Variants in CPB2 observed in about 807,000 individuals in gnomAD.
The protein encoded by CPB2 is carboxypeptidase B-like protein.
CPB2 carries 54 observed loss-of-function variants against 57.0 expected under a neutral mutation model. That is an observed-to-expected ratio of 0.95 (90% CI 0.76 to 1.19). The LOEUF is 1.19. Among genes scored for constraint, CPB2 ranks in the 50% most tolerant of loss-of-function variants. The pLI is 0.00. For missense variants in CPB2, 426 were observed against 512.0 expected (o/e 0.83, Z 1.62); for synonymous variants, 189 against 178.1 (o/e 1.06, Z -0.49).
chr13:46,060,929 T>A (rs2044763314), intron 8 of CPB2, among the ~76,000 whole-genome samples: 1 of 152,168 alleles, frequency 6.6e-6, no homozygotes, highest in African/African-American at 2.4e-5. Context: ...GCTCAAGCAT[T>A]CTTTGATCTA....
At chr13:46,079,535 C>CAAAAAAAAA (rs58164990) in intron 4 of CPB2, among the ~76,000 whole-genome samples, 79 of 110,938 alleles carry the variant, frequency 7.1e-4, no homozygotes, top group Middle Eastern at 5.7e-3. Context: ...AAGGAAAAAG[C>CAAAAAAAAA]AAAAAAAAAA....
intron 9 of CPB2, 54 bp from the exon 10 acceptor site, chr13:46,055,903 AAG>A (rs2044691402): frequency 6.8e-6 from 7 of 1,021,986 alleles, no homozygotes; most frequent in Non-Finnish European, 1.0e-5. Context: ...GAAACATGAC[AAG>A]TAGAAGTTTC....
At chr13:46,085,192 G>T (rs944243865) in intron 2 of CPB2, among the ~76,000 whole-genome samples, 6 of 152,102 alleles carry the variant, frequency 3.9e-5, no homozygotes, top group African/African-American at 1.4e-4. Context: ...TATTTATAAC[G>T]CTTTGATATA....
intron 8 of CPB2, among the ~76,000 whole-genome samples, chr13:46,061,792 C>A (rs4573835): frequency 0.12 from 18,662 of 152,148 alleles, 1,565 homozygotes; most frequent in East Asian, 0.28. Context: ...CACACACACA[C>A]AAAATTTTAA....
intron 5 of CPB2, among the ~76,000 whole-genome samples, chr13:46,077,959 A>C (rs1390910773): frequency 1.3e-5 from 2 of 152,190 alleles, no homozygotes; most frequent in African/African-American, 4.8e-5. Flanking sequence ...GAGATTAATT[A>C]GTGGGTACAA....
rs2045164542 is a variant in CPB2, at chr13:46,084,257, A to G, written c.237T>C (p.Asn79=). Residue 79 remains asparagine, a synonymous_variant, in exon 3 of 11, where the codon AAT becomes AAC. Transcript: ENST00000181383. ...CGCTCACATTTAAATGGGCTTTCAC[A>G]TTGTCGACATCAGATGCATTTACAA... The part of the protein sequence containing the change: ...HFFVNASDVD[N]VKAHLNVSGI... 5 of 1,614,032 alleles carry G rather than the reference A, an allele frequency of 3.1e-6. No homozygotes were observed. The highest frequency in any genetic ancestry group is 1.3e-5 in the African/African-American group (1 of 74,922).
At chr13:46,100,676 A>G (rs2045423373) in intron 1 of CPB2, 1 of 152,188 alleles carries the variant, frequency 6.6e-6, no homozygotes, top group Admixed American at 6.5e-5. Flanking sequence ...CTAAACCTGC[A>G]TGTGGCTGGT....
chr13:46,079,006 T>C (rs1019079131), intron 4 of CPB2, 105 bp from the exon 5 acceptor site: 4 of 695,310 alleles, frequency 5.8e-6, no homozygotes, highest in African/African-American at 3.6e-5. Flanking sequence ...CCTCTGTATG[T>C]GGAATGCACG....
At chr13:46,077,102 T>G (rs1014776049) in intron 5 of CPB2, among the ~76,000 whole-genome samples, 2 of 152,068 alleles carry the variant, frequency 1.3e-5, no homozygotes, top group Non-Finnish European at 1.5e-5. Context: ...ACTGAAAATT[T>G]GCTTCTGCAC....
At chr13:46,102,540 C>CAAAA (rs10624204) in intron 1 of CPB2, among the ~76,000 whole-genome samples, 33 of 108,200 alleles carry the variant, frequency 3.0e-4, no homozygotes, top group Middle Eastern at 6.8e-3. Flanking sequence ...ATGATTATGA[C>CAAAA]AAAAAAAAAA....
intron 8 of CPB2, among the ~76,000 whole-genome samples, chr13:46,063,327 C>CT (rs1158042523): frequency 6.6e-6 from 1 of 152,144 alleles, no homozygotes; most frequent in Non-Finnish European, 1.5e-5. Flanking sequence ...CTCTCCTTCC[C>CT]TGCCCCTTTT....
intron 10 of CPB2, 79 bp from the exon 11 acceptor site, chr13:46,053,877 GTTTA>G (rs1333680030): frequency 1.6e-5 from 22 of 1,396,002 alleles, no homozygotes; most frequent in African/African-American, 2.9e-5. Flanking sequence ...TGATTTAAAT[GTTTA>G]TTTGTTTGTA....
At chr13:46,088,921 T>C (rs980607841) in intron 1 of CPB2, among the ~76,000 whole-genome samples, 3 of 152,066 alleles carry the variant, frequency 2.0e-5, no homozygotes, top group South Asian at 4.1e-4. Flanking sequence ...TTGTCAGTTA[T>C]ATGTATTGCA....
At chr13:46,067,153 C>T (rs1381633573) in intron 7 of CPB2, among the ~76,000 whole-genome samples, 154 bp downstream of exon 7, 1 of 149,770 alleles carries the variant, frequency 6.7e-6, no homozygotes, top group Admixed American at 6.7e-5. Context: ...ATTATGTGCA[C>T]TTATATATAT....
chr13:46,082,585 G>C (rs1202485105), intron 3 of CPB2, 36 bp from the exon 4 acceptor site: 5 of 1,420,976 alleles, frequency 3.5e-6, no homozygotes, highest in Non-Finnish European at 5.0e-6. Flanking sequence ...TAGTTTCCAA[G>C]CAGAGGGTGG....
At chr13:46,070,662 A>T (rs77786106) in intron 6 of CPB2, among the ~76,000 whole-genome samples, 1 of 152,214 alleles carries the variant, frequency 6.6e-6, no homozygotes, top group Non-Finnish European at 1.5e-5. Context: ...CTAAAAAAAA[A>T]TATAAGACAC....
At chr13:46,067,265 C>A (rs1179227611) in intron 7 of CPB2, 42 bp downstream of exon 7, 6 of 1,004,626 alleles carry the variant, frequency 6.0e-6, no homozygotes, top group Non-Finnish European at 6.4e-6. Context: ...ATCCTATATC[C>A]CCAAGGAGAA....
At chr13:46,092,807 G>C (rs1294750379) in intron 1 of CPB2, among the ~76,000 whole-genome samples, 1 of 152,200 alleles carries the variant, frequency 6.6e-6, no homozygotes, top group Non-Finnish European at 1.5e-5. Flanking sequence ...TTGAATGCAT[G>C]CTGAGAAATT....
At chr13:46,066,844 CAAA>C (rs35694352) in intron 7 of CPB2, among the ~76,000 whole-genome samples, 1,403 of 99,244 alleles carry the variant, frequency 0.014, 20 homozygotes, top group African/African-American at 0.046. Context: ...GACACCATCT[CAAA>C]AAAAAAAAAA....
Sources: gnomAD v4.1 joint callset for allele counts (sites outside exome capture counted in the v4.1 genomes callset) on GRCh38, gnomAD v4.1.1 for gene constraint, MANE v1.5 for transcripts, NCBI Gene and HGNC (gene_info 2026-07-23, HGNC 2026-07-21) for gene names.